Variants in GSK3B observed in about 807,000 individuals in gnomAD.
The protein encoded by GSK3B is glycogen synthase kinase 3 beta.
Under a neutral mutation model 56.4 loss-of-function variants are expected in GSK3B, and 15 were observed. The ratio of observed to expected loss-of-function variants is 0.27; its 90% confidence interval spans 0.18 to 0.41. The LOEUF is 0.41. Ranked by LOEUF, GSK3B falls within the 10% of genes least tolerant of loss-of-function variation. The pLI, the probability that GSK3B is intolerant of heterozygous loss-of-function variation, is 1.00. For synonymous variants in GSK3B, 181 were observed against 188.9 expected, an observed-to-expected ratio of 0.96 and a Z score of 0.34; for missense variants, 300 against 513.4, an observed-to-expected ratio of 0.58 and a Z score of 4.02.
intron 1 of GSK3B, among the ~76,000 whole-genome samples, chr3:120,012,898 G>T (rs1373258335): frequency 6.6e-6 from 1 of 151,980 alleles, no homozygotes; most frequent in South Asian, 2.1e-4. Context: ...GCCCAGGTTG[G>T]TCTCTAACTC....
Position 119,825,327 on chromosome 3 carries a change from T to G in GSK3B, c.*1461A>C, listed in dbSNP as rs2055486668. The G allele has an allele frequency of 1.3e-5, 3 of 230,036 alleles. No homozygotes were observed. The South Asian group carries it at 5.5e-4, about 42-fold the overall frequency. The allele number at this position is 230,036 out of a possible 1,614,324, so 14.2% of individuals were successfully genotyped here. On this transcript the variant is annotated 3_prime_UTR_variant, in exon 11 of 11. Coordinates refer to ENST00000264235, the MANE Select transcript of GSK3B (RefSeq NM_001146156.2). Reference sequence around the variant, plus strand: ...CATAGTCCTTCAATTCTCCTTGCTTTCCAAGGAATATTGCTTTTTCTTCAA... The same window carrying G: ...CATAGTCCTTCAATTCTCCTTGCTTGCCAAGGAATATTGCTTTTTCTTCAA...
chr3:119,890,041 T>C (rs1041364334), intron 7 of GSK3B, among the ~76,000 whole-genome samples: 1 of 152,152 alleles, frequency 6.6e-6, no homozygotes, highest in Non-Finnish European at 1.5e-5. Flanking sequence ...AATTCTGATG[T>C]GTTGTTGGTG....
chr3:120,079,363 A>G (rs1051287524), intron 1 of GSK3B, among the ~76,000 whole-genome samples: 122 of 150,806 alleles, frequency 8.1e-4, no homozygotes, highest in Non-Finnish European at 1.5e-3. Flanking sequence ...TTTTTTTTTA[A>G]TAAGTAGACT....
At chr3:120,053,642 G>A (rs1006991475) in intron 1 of GSK3B, among the ~76,000 whole-genome samples, 2 of 152,166 alleles carry the variant, frequency 1.3e-5, no homozygotes, top group Admixed American at 1.3e-4. Context: ...TGGTTTGGCT[G>A]TGTCCCACCC....
At chr3:120,087,360 G>A (rs1283862844) in intron 1 of GSK3B, among the ~76,000 whole-genome samples, 6 of 152,040 alleles carry the variant, frequency 3.9e-5, no homozygotes, top group East Asian at 1.9e-4. Flanking sequence ...GTGAAACTCC[G>A]TCTCTACTAA....
chr3:119,959,227 C>G (rs1241226980), intron 2 of GSK3B, among the ~76,000 whole-genome samples: 3 of 152,162 alleles, frequency 2.0e-5, no homozygotes, highest in Non-Finnish European at 4.4e-5. Context: ...CTGCCTCTAT[C>G]ACCTCTTCCA....
At position 120,043,428 on chromosome 3, in the gene GSK3B, C is replaced by T. The variant is rs1386391325; in HGVS notation, c.89-41189G>A. Among the ~76,000 whole-genome samples, 7 of 152,186 alleles carry T rather than the reference C, an allele frequency of 4.6e-5. No individual in the cohort carries two copies. In the East Asian group the frequency reaches 1.2e-3, roughly 25 times the overall value. ...AGGTCAGATTCACCCCAAATCATTA[C>T]CTTTGATGCTTGTCTTGTTACACCT... On this transcript the variant is annotated intron_variant, in intron 1 of 10. Coordinates refer to ENST00000264235, the MANE Select transcript of GSK3B (RefSeq NM_001146156.2).
At chr3:119,831,464 T>C (rs914593451) in intron 10 of GSK3B, among the ~76,000 whole-genome samples, 13 of 152,134 alleles carry the variant, frequency 8.5e-5, no homozygotes, top group Non-Finnish European at 1.8e-4. Context: ...GAGACCATCC[T>C]GGCTAACACG....
intron 10 of GSK3B, among the ~76,000 whole-genome samples, chr3:119,833,389 C>T (rs1004686037): frequency 2.6e-5 from 4 of 152,094 alleles, no homozygotes; most frequent in Non-Finnish European, 4.4e-5. Context: ...TTAAATTCTT[C>T]TGATTTATTG....
chr3:120,070,817 C>T (rs2058320916), intron 1 of GSK3B, among the ~76,000 whole-genome samples: 1 of 152,156 alleles, frequency 6.6e-6, no homozygotes, highest in Admixed American at 6.5e-5. Context: ...TTCATTATAA[C>T]CACACAGTGC....
intron 3 of GSK3B, among the ~76,000 whole-genome samples, chr3:119,931,130 G>A (rs1213925757): frequency 6.6e-6 from 1 of 152,172 alleles, no homozygotes; most frequent in Non-Finnish European, 1.5e-5. Context: ...TCCAAAGTAC[G>A]GTTTTGTTTG....
At chr3:119,865,327 T>G (rs2056161864) in intron 8 of GSK3B, among the ~76,000 whole-genome samples, 1 of 150,562 alleles carries the variant, frequency 6.6e-6, no homozygotes, top group South Asian at 2.1e-4. Context: ...CCACTAACAT[T>G]CAAATGTAGG....
At chr3:120,007,435 A>T (rs573188352) in intron 1 of GSK3B, among the ~76,000 whole-genome samples, 1 of 152,288 alleles carries the variant, frequency 6.6e-6, no homozygotes, top group East Asian at 1.9e-4. Flanking sequence ...CCTGATACCA[A>T]ATGATATCTG....
intron 1 of GSK3B, among the ~76,000 whole-genome samples, chr3:120,031,666 C>A (rs941267399): frequency 1.3e-5 from 2 of 152,222 alleles, no homozygotes; most frequent in African/African-American, 4.8e-5. Context: ...ACCAATCCCA[C>A]AATGCAGTTA....
chr3:120,088,247 A>G (rs892733550), intron 1 of GSK3B, among the ~76,000 whole-genome samples: 1 of 152,056 alleles, frequency 6.6e-6, no homozygotes, highest in African/African-American at 2.4e-5. Flanking sequence ...AGACACAAGT[A>G]TATTGGAATA....
At chr3:119,889,037 A>G (rs2056472036) in intron 7 of GSK3B, among the ~76,000 whole-genome samples, 1 of 152,162 alleles carries the variant, frequency 6.6e-6, no homozygotes, top group Admixed American at 6.6e-5. Context: ...ACCCTTATCA[A>G]AAGTTCTGCC....
intron 2 of GSK3B, among the ~76,000 whole-genome samples, chr3:119,954,063 G>C (rs565527081): frequency 5.3e-5 from 8 of 152,088 alleles, no homozygotes; most frequent in African/African-American, 1.9e-4. Flanking sequence ...AGTGTTTTAA[G>C]AACATCTTTC....
At chr3:120,000,802 GA>G (rs1370668974) in intron 2 of GSK3B, among the ~76,000 whole-genome samples, 1 of 38,644 alleles carries the variant, frequency 2.6e-5, no homozygotes. Flanking sequence ...AGAAGGACAA[GA>G]AAAAAAAGGG....
At position 119,952,671 on chromosome 3, in the gene GSK3B, T is replaced by G. The variant is rs922690378; in HGVS notation, c.283-5320A>C. On this transcript the variant is annotated intron_variant, in intron 2 of 10. Transcript: ENST00000264235. Reference sequence around the variant, plus strand: ...CACATACATGGGAAAAACAATACAATTAATAGCCGACTAATCATCAGGAAA... The same window carrying G: ...CACATACATGGGAAAAACAATACAAGTAATAGCCGACTAATCATCAGGAAA... Among the ~76,000 whole-genome samples, 3 of 145,482 alleles carry G rather than the reference T, an allele frequency of 2.1e-5. No homozygotes were observed. In the South Asian group the frequency reaches 6.5e-4, roughly 31 times the overall value.
Sources: allele counts gnomAD v4.1 joint callset (sites outside exome capture counted in the v4.1 genomes callset), GRCh38; gene constraint gnomAD v4.1.1; transcripts MANE v1.5; gene names NCBI Gene and HGNC (gene_info 2026-07-23, HGNC 2026-07-21).